The following ADAMTSL1 variants were observed in gnomAD, a reference collection of about 807,000 sequenced individuals.
ADAMTSL1 encodes ADAMTS-like protein 1.
A neutral mutation model predicts 201.8 loss-of-function variants in ADAMTSL1; 126 were observed. The observed-to-expected ratio is 0.62, with a 90% confidence interval of 0.54 to 0.72. ADAMTSL1 has a LOEUF of 0.72. Ranked by LOEUF, ADAMTSL1 falls within the 30% of genes least tolerant of loss-of-function variation. The pLI, the probability that ADAMTSL1 is intolerant of heterozygous loss-of-function variation, is 0.00. For synonymous variants in ADAMTSL1, 1,121 were observed against 903.4 expected (o/e 1.24, Z -4.32); for missense variants, 2,679 against 2,277.8 (o/e 1.18, Z -3.59).
intron 15 of ADAMTSL1, among the ~76,000 whole-genome samples, chr9:18,738,307 T>TA (rs1258065819): frequency 6.6e-5 from 10 of 152,284 alleles, no homozygotes; most frequent in African/African-American, 2.2e-4. Flanking sequence ...TTACCCCAGG[T>TA]AAAAATCTTC....
intron 2 of ADAMTSL1, among the ~76,000 whole-genome samples, chr9:18,337,450 T>G (rs762023800): frequency 1.9e-4 from 29 of 152,162 alleles, no homozygotes; most frequent in Non-Finnish European, 4.1e-4. Context: ...CATATATACA[T>G]CTATCCTATT....
chr9:18,815,582 C>T (rs535690628), intron 20 of ADAMTSL1, among the ~76,000 whole-genome samples: 3 of 151,222 alleles, frequency 2.0e-5, no homozygotes, highest in Admixed American at 6.6e-5. Context: ...ATGGTATACA[C>T]CTGTAGTTTC....
At chr9:18,086,704 G>T (rs977110084) in intron 1 of ADAMTSL1, among the ~76,000 whole-genome samples, 1 of 152,116 alleles carries the variant, frequency 6.6e-6, no homozygotes, top group Non-Finnish European at 1.5e-5. Context: ...ACTTTAGAAA[G>T]CATTTAAATG....
intron 2 of ADAMTSL1, among the ~76,000 whole-genome samples, chr9:18,244,336 G>A (rs894435502): frequency 6.6e-6 from 1 of 151,926 alleles, no homozygotes; most frequent in African/African-American, 2.4e-5. Context: ...AAACATTATA[G>A]ATTATTCTTC....
chr9:18,188,346 C>T (rs1006404663), intron 2 of ADAMTSL1, among the ~76,000 whole-genome samples: 5 of 152,054 alleles, frequency 3.3e-5, no homozygotes, highest in Non-Finnish European at 7.4e-5. Context: ...TTGAGAAGTT[C>T]CTGGGATTTT....
At chr9:18,420,635 C>T (rs1004528313) in intron 2 of ADAMTSL1, among the ~76,000 whole-genome samples, 9 of 152,092 alleles carry the variant, frequency 5.9e-5, no homozygotes, top group African/African-American at 1.9e-4. Context: ...AGTGCTATTG[C>T]TGGTATCATT....
At position 18,716,777 on chromosome 9, in the gene ADAMTSL1, A is replaced by G. The variant is rs897057004; in HGVS notation, c.1877-4759A>G. Among the ~76,000 whole-genome samples the G allele has an allele frequency of 1.6e-4, 23 of 145,684 alleles. 1 individual carries two copies. Among genetic ancestry groups the G allele is most frequent in the Admixed American group, 1.3e-3 (19 of 14,144 alleles). On this transcript the variant is annotated intron_variant, in intron 14 of 28. Coordinates refer to ENST00000380548, the MANE Select transcript of ADAMTSL1 (RefSeq NM_001040272.6). ...GACTATAAATCATGCTGCTATAAAGACACATGCACACATATGTTTATTGCG... is the reference window on the plus strand; with the variant it reads ...GACTATAAATCATGCTGCTATAAAGGCACATGCACACATATGTTTATTGCG...
At chr9:18,426,481 T>C (rs1386363679) in intron 2 of ADAMTSL1, among the ~76,000 whole-genome samples, 2 of 152,214 alleles carry the variant, frequency 1.3e-5, no homozygotes, top group Admixed American at 6.5e-5. Context: ...ACTTAGCTTC[T>C]GCCTCCTAGA....
intron 1 of ADAMTSL1, among the ~76,000 whole-genome samples, chr9:18,014,190 G>T (rs1586896512): frequency 6.6e-6 from 1 of 151,986 alleles, no homozygotes; most frequent in East Asian, 1.9e-4. Flanking sequence ...GCCCCAGGAA[G>T]TGCCCCCCAT....
intron 1 of ADAMTSL1, among the ~76,000 whole-genome samples, chr9:18,080,252 A>G (rs1219306893): frequency 1.3e-5 from 2 of 152,198 alleles, no homozygotes; most frequent in Non-Finnish European, 2.9e-5. Flanking sequence ...GAAACACCAA[A>G]GACATATAAG....
At chr9:18,416,795 C>A (rs189890496) in intron 2 of ADAMTSL1, among the ~76,000 whole-genome samples, 2 of 151,994 alleles carry the variant, frequency 1.3e-5, no homozygotes, top group East Asian at 3.9e-4. Context: ...CTGGGTAAAA[C>A]CCCAGGAGAA....
At chr9:18,374,441 C>G (rs561488410) in intron 2 of ADAMTSL1, among the ~76,000 whole-genome samples, 49 of 151,700 alleles carry the variant, frequency 3.2e-4, no homozygotes, top group African/African-American at 1.1e-3. Flanking sequence ...TTGAGCGATC[C>G]CCCAACCTCA....
intron 23 of ADAMTSL1, among the ~76,000 whole-genome samples, chr9:18,865,987 C>T (rs1006133763): frequency 1.3e-5 from 2 of 151,798 alleles, no homozygotes; most frequent in African/African-American, 2.4e-5. Context: ...TGAACTTCTT[C>T]GTTGAAGGAA....
chr9:18,477,069 G>C (rs1162299867), intron 1 of ADAMTSL1, among the ~76,000 whole-genome samples: 1 of 152,130 alleles, frequency 6.6e-6, no homozygotes, highest in Non-Finnish European at 1.5e-5. Flanking sequence ...TTGATATTCA[G>C]GTGAAATTAA....
At chr9:18,500,738 T>C (rs1367099475) in intron 1 of ADAMTSL1, among the ~76,000 whole-genome samples, 1 of 152,180 alleles carries the variant, frequency 6.6e-6, no homozygotes, top group East Asian at 1.9e-4. Flanking sequence ...AAGAAAGGGT[T>C]TTATAATGGC....
chr9:18,000,885 C>T (rs1028580976), intron 1 of ADAMTSL1, among the ~76,000 whole-genome samples: 1 of 151,966 alleles, frequency 6.6e-6, no homozygotes, highest in African/African-American at 2.4e-5. Context: ...ATTAACTTGG[C>T]CTTTGTATCA....
intron 13 of ADAMTSL1, among the ~76,000 whole-genome samples, chr9:18,691,032 G>A (rs1332255526): frequency 1.3e-5 from 2 of 152,192 alleles, no homozygotes; most frequent in Non-Finnish European, 1.5e-5. Flanking sequence ...AAGAGCAATA[G>A]GATTGTGACC....
chr9:18,087,583 A>G (rs905746708), intron 1 of ADAMTSL1, among the ~76,000 whole-genome samples: 2 of 152,164 alleles, frequency 1.3e-5, no homozygotes, highest in Non-Finnish European at 2.9e-5. Flanking sequence ...TTTGCATTTT[A>G]TAACAGAAAA....
chr9:18,622,428 G>T (rs757340532), intron 5 of ADAMTSL1, 59 bp downstream of exon 5: 2 of 1,609,420 alleles, frequency 1.2e-6, no homozygotes, highest in Non-Finnish European at 1.7e-6. Context: ...TCCTGGCTTA[G>T]GTCTGGCCCC....
Sources: gnomAD v4.1 joint callset for allele counts (sites outside exome capture counted in the v4.1 genomes callset) on GRCh38, gnomAD v4.1.1 for gene constraint, MANE v1.5 for transcripts, NCBI Gene and HGNC (gene_info 2026-07-23, HGNC 2026-07-21) for gene names.